Variants in SLC13A3 observed in about 807,000 individuals in gnomAD.
SLC13A3 encodes Na(+)/dicarboxylate cotransporter 3.
In SLC13A3, 40 loss-of-function variants were observed where a neutral mutation model predicts 59.0. That is an observed-to-expected ratio of 0.68 (90% CI 0.53 to 0.88). The LOEUF is 0.88. Among genes scored for constraint, SLC13A3 ranks in the 40% least tolerant of loss-of-function variants. SLC13A3 has a pLI of 0.00. For synonymous variants in SLC13A3, 317 were observed against 330.3 expected (o/e 0.96, Z 0.44); for missense variants, 699 against 783.2 (o/e 0.89, Z 1.28).
At chr20:46,642,663 C>T (rs1318339947) in intron 1 of SLC13A3, among the ~76,000 whole-genome samples, 1 of 152,196 alleles carries the variant, frequency 6.6e-6, no homozygotes, top group Non-Finnish European at 1.5e-5. Flanking sequence ...CACATCCAGT[C>T]CAAGCGCAAA....
chr20:46,678,559 T>C (rs907709773), intron 1 of SLC13A3, among the ~76,000 whole-genome samples: 9 of 152,204 alleles, frequency 5.9e-5, no homozygotes, highest in African/African-American at 1.9e-4. Flanking sequence ...GGCCTCCAGA[T>C]TGCTGCTGAA....
chr20:46,608,307 T>C (rs1259774673), intron 3 of SLC13A3, among the ~76,000 whole-genome samples: 3 of 152,202 alleles, frequency 2.0e-5, no homozygotes, highest in Admixed American at 6.5e-5. Flanking sequence ...ATAAATACAA[T>C]TTTTTTGTCA....
At chr20:46,588,008 G>T in intron 8 of SLC13A3, 51 bp downstream of exon 8, 1 of 1,105,366 alleles carries the variant, frequency 9.0e-7, no homozygotes, top group Non-Finnish European at 1.3e-6. Context: ...AGGTGGCCCA[G>T]CCCAGAATCC....
intron 1 of SLC13A3, among the ~76,000 whole-genome samples, chr20:46,643,607 A>G (rs1258669903): frequency 6.6e-6 from 1 of 152,224 alleles, no homozygotes; most frequent in African/African-American, 2.4e-5. Flanking sequence ...CCTAATAAAC[A>G]TACAGTAAAC....
At chr20:46,603,178 C>T (rs1178634142) in intron 3 of SLC13A3, among the ~76,000 whole-genome samples, 6 of 149,884 alleles carry the variant, frequency 4.0e-5, no homozygotes, top group East Asian at 3.9e-4. Flanking sequence ...AGCAAAATTT[C>T]GTCTCAAAAA....
At chr20:46,585,011 A>G in intron 8 of SLC13A3, 1 of 424,302 alleles carries the variant, frequency 2.4e-6, no homozygotes, top group Non-Finnish European at 3.2e-6. Flanking sequence ...TTTTATTTTG[A>G]AAGTTTTGAT....
chr20:46,677,847 GC>G (rs988920388), intron 1 of SLC13A3, among the ~76,000 whole-genome samples: 2 of 152,140 alleles, frequency 1.3e-5, no homozygotes, highest in Non-Finnish European at 2.9e-5. Context: ...GAAAGCACAG[GC>G]CCCTCTAAAA....
intron 1 of SLC13A3, among the ~76,000 whole-genome samples, chr20:46,635,381 G>A (rs558393635): frequency 2.0e-5 from 3 of 152,276 alleles, no homozygotes; most frequent in East Asian, 1.9e-4. Flanking sequence ...GCACAGCCGC[G>A]TCCATGCAAA....
In SLC13A3 at chr20:46,635,507, G is replaced by C. The variant is rs80225805; in HGVS notation, c.111+15804C>G. On this transcript the variant is annotated intron_variant, in intron 1 of 12. Transcript: ENST00000279027. The stretch of plus-strand genomic sequence containing the variant: ...CTCAAATGTCACCTCCTTTTGGTAT[G>C]TGTTCAATGCTCCCTTTTCCAGGAC... 7.5e-3 allele frequency among the ~76,000 whole-genome samples: 1,137 copies of C among 152,300 alleles called. 12 individuals carry two copies. The highest frequency in any genetic ancestry group is 0.026 in the African/African-American group (1,088 of 41,558).
chr20:46,670,005 A>G (rs898555095), intron 1 of SLC13A3: 1 of 152,216 alleles, frequency 6.6e-6, no homozygotes, highest in Non-Finnish European at 1.5e-5. Flanking sequence ...ATACATGCAT[A>G]CTTAACAATG....
At chr20:46,657,930 C>T (rs2063004634) in intron 1 of SLC13A3, among the ~76,000 whole-genome samples, 1 of 152,124 alleles carries the variant, frequency 6.6e-6, no homozygotes, top group Non-Finnish European at 1.5e-5. Flanking sequence ...CACTTCCCAC[C>T]AGGCCCCACC....
chr20:46,613,428 G>T, intron 2 of SLC13A3, 32 bp downstream of exon 2: 1 of 1,534,250 alleles, frequency 6.5e-7, no homozygotes, highest in Non-Finnish European at 8.8e-7. Flanking sequence ...CTGCCTCTCC[G>T]CTGTAGGGCT....
rs552547225 is a variant in SLC13A3 at position 46,595,962 on chromosome 20, C to T, written c.794+195G>A. Among the ~76,000 whole-genome samples the T allele has an allele frequency of 9.2e-5, 14 of 152,250 alleles. No individual in the cohort carries two copies. The South Asian group carries it at 2.7e-3, about 29-fold the overall frequency. ...TATATTTTATATTCATTTGCTTTTT[C>T]ACTTATTGCCTGTCTCTCCCGCCAG... On this transcript the variant is annotated intron_variant, in intron 5 of 12. Transcript: ENST00000279027.
In SLC13A3 at chr20:46,588,559, CAG is replaced by C. The variant is rs143500950; in HGVS notation, c.1017-398_1017-397del. Among the ~76,000 whole-genome samples the C allele has an allele frequency of 6.6e-5, 10 of 151,040 alleles. No homozygotes were observed. The South Asian group carries it at 1.3e-3, about 19-fold the overall frequency. ...GCAAAGAGAAAGAGGAGCATTCATA[CAG>C]AGAGAGAGAGAGACAGAAAAACACA... On this transcript the variant is annotated intron_variant, in intron 7 of 12. Coordinates refer to ENST00000279027, the MANE Select transcript of SLC13A3 (RefSeq NM_022829.6).
chr20:46,632,239 G>A (rs1414345953), intron 1 of SLC13A3, among the ~76,000 whole-genome samples: 2 of 152,140 alleles, frequency 1.3e-5, no homozygotes, highest in Non-Finnish European at 2.9e-5. Flanking sequence ...CAGCAAGGCA[G>A]AAGCAAGCCT....
intron 10 of SLC13A3, among the ~76,000 whole-genome samples, chr20:46,574,003 G>A (rs139207579): frequency 2.6e-4 from 40 of 152,318 alleles, no homozygotes; most frequent in African/African-American, 9.4e-4. Flanking sequence ...GGGTGAGACG[G>A]AGCTCAGCCA....
At chr20:46,632,669 T>G (rs1281911444) in intron 1 of SLC13A3, among the ~76,000 whole-genome samples, 2 of 152,144 alleles carry the variant, frequency 1.3e-5, no homozygotes, top group Non-Finnish European at 2.9e-5. Context: ...CTTGGTTTTC[T>G]GTAAAATGAG....
chr20:46,594,254 A>G (rs944861948), intron 5 of SLC13A3, among the ~76,000 whole-genome samples: 1 of 149,724 alleles, frequency 6.7e-6, no homozygotes, highest in African/African-American at 2.4e-5. Flanking sequence ...TATAATATAT[A>G]TTACATACTT....
At chr20:46,574,033 T>C (rs1195259926) in intron 10 of SLC13A3, among the ~76,000 whole-genome samples, 2 of 152,222 alleles carry the variant, frequency 1.3e-5, no homozygotes, top group Non-Finnish European at 2.9e-5. Context: ...TGGCTTCAGA[T>C]CCTGGCTCTA....
Sources: allele counts gnomAD v4.1 joint callset (sites outside exome capture counted in the v4.1 genomes callset), GRCh38; gene constraint gnomAD v4.1.1; transcripts MANE v1.5; gene names NCBI Gene and HGNC (gene_info 2026-07-23, HGNC 2026-07-21).